Variants in SLC28A3 observed in about 807,000 individuals in gnomAD.
The protein encoded by SLC28A3 is solute carrier family 28 member 3.
SLC28A3 carries 68 observed loss-of-function variants against 84.2 expected under a neutral mutation model. The observed-to-expected ratio is 0.81, with a 90% CI of 0.66 to 0.99. The LOEUF is 0.99. Ranked by LOEUF, SLC28A3 falls within the 50% of genes least tolerant of loss-of-function variation. The pLI, the probability that SLC28A3 is intolerant of heterozygous loss-of-function variation, is 0.00. For synonymous variants in SLC28A3, 267 were observed against 303.6 expected, an observed-to-expected ratio of 0.88 and a Z score of 1.25; for missense variants, 712 against 841.5, an observed-to-expected ratio of 0.85 and a Z score of 1.90.
intron 1 of SLC28A3, among the ~76,000 whole-genome samples, chr9:84,320,054 T>TTTTTTTTTTTG (rs1826319749): frequency 1.6e-5 from 2 of 128,524 alleles, no homozygotes; most frequent in African/African-American, 7.0e-5. Context: ...TTTTTTTTTT[T>TTTTTTTTTTTG]TTTTTTTTTT....
chr9:84,354,542 T>C, the SLC28A3 span, among the ~76,000 whole-genome samples: 1 of 152,228 alleles, frequency 6.6e-6, no homozygotes, highest in African/African-American at 2.4e-5. Flanking sequence ...GAGTCTATAA[T>C]GATACTTAAA....
chr9:84,346,040 A>G, the SLC28A3 span, among the ~76,000 whole-genome samples: 1 of 152,252 alleles, frequency 6.6e-6, no homozygotes, highest in East Asian at 1.9e-4. Flanking sequence ...TGTGAGAAAT[A>G]GCTTGTGCCA....
the SLC28A3 span, among the ~76,000 whole-genome samples, chr9:84,355,725 A>T: frequency 0.1 from 15,306 of 152,032 alleles, 827 homozygotes; most frequent in East Asian, 0.18. Flanking sequence ...TACTTGTGCA[A>T]TTGTTGGAAT....
chr9:84,303,479 C>T lies in SLC28A3; in HGVS notation c.335-1090G>A, dbSNP rs544686196. Among the ~76,000 whole-genome samples, 3 of 152,240 alleles carry T rather than the reference C, an allele frequency of 2.0e-5. No individual in the cohort carries two copies. In the South Asian group the frequency reaches 6.2e-4, roughly 32 times the overall value. On this transcript the variant is annotated intron_variant, in intron 4 of 17. Transcript: ENST00000376238. ...GGGATTACAGGCATGTGCCACCACGCCCGGTTAATTTTGTATTTTTAGTAG... is the reference window on the plus strand; with the variant it reads ...GGGATTACAGGCATGTGCCACCACGTCCGGTTAATTTTGTATTTTTAGTAG...
intron 3 of SLC28A3, among the ~76,000 whole-genome samples, chr9:84,306,326 T>C (rs1331331511): frequency 6.6e-6 from 1 of 152,212 alleles, no homozygotes; most frequent in East Asian, 1.9e-4. Context: ...GCACTCCCCT[T>C]GGCCAGTGCC....
At chr9:84,353,014 G>A in the SLC28A3 span, among the ~76,000 whole-genome samples, 1 of 151,836 alleles carries the variant, frequency 6.6e-6, no homozygotes, top group East Asian at 1.9e-4. Context: ...AGTATTTAGG[G>A]GTTTCTTCTT....
intron 16 of SLC28A3, 35 bp from the exon 17 acceptor site, chr9:84,279,420 T>C: frequency 7.2e-7 from 1 of 1,394,486 alleles, no homozygotes; most frequent in East Asian, 2.7e-5. Context: ...TATTTATTAT[T>C]TTTTAGTTTT....
the SLC28A3 span, among the ~76,000 whole-genome samples, chr9:84,350,680 T>C: frequency 6.6e-6 from 1 of 152,074 alleles, no homozygotes; most frequent in African/African-American, 2.4e-5. Context: ...TATTTAAAAA[T>C]TTTCTTTATT....
chr9:84,343,642 T>C (rs925780347), upstream of SLC28A3, among the ~76,000 whole-genome samples: 2 of 152,186 alleles, frequency 1.3e-5, no homozygotes, highest in Non-Finnish European at 2.9e-5. Context: ...AGGAAGAATA[T>C]TTCCTGACAC....
At chr9:84,344,183 G>C (rs1827213411), upstream of SLC28A3, among the ~76,000 whole-genome samples, 2 of 134,438 alleles carry the variant, frequency 1.5e-5, no homozygotes, top group African/African-American at 3.4e-5. Flanking sequence ...CTCATCATAT[G>C]GGTTTTTTTT....
At chr9:84,313,689 A>C (rs1359868227) in intron 1 of SLC28A3, among the ~76,000 whole-genome samples, 4 of 151,780 alleles carry the variant, frequency 2.6e-5, no homozygotes, top group African/African-American at 9.7e-5. Flanking sequence ...CCGAAGTGGG[A>C]GGGGAGACCA....
chr9:84,299,090 A>G (rs1272286436), intron 6 of SLC28A3, among the ~76,000 whole-genome samples: 1 of 152,234 alleles, frequency 6.6e-6, no homozygotes, highest in Non-Finnish European at 1.5e-5. Context: ...TTGATGTCTC[A>G]GAATTCTTGC....
intron 17 of SLC28A3, 32 bp downstream of exon 17, chr9:84,279,233 G>T: frequency 1.3e-6 from 2 of 1,560,114 alleles, no homozygotes; most frequent in Non-Finnish European, 1.7e-6. Flanking sequence ...TATTAATGGA[G>T]TATAAAGAAA....
chr9:84,306,266 A>G (rs1311773962), intron 3 of SLC28A3, among the ~76,000 whole-genome samples: 1 of 152,120 alleles, frequency 6.6e-6, no homozygotes, highest in African/African-American at 2.4e-5. Context: ...CGTATAGATG[A>G]TTCCCAAACT....
chr9:84,325,328 C>T (rs1826514877), intron 1 of SLC28A3, among the ~76,000 whole-genome samples: 1 of 152,118 alleles, frequency 6.6e-6, no homozygotes, highest in South Asian at 2.1e-4. Context: ...ATCTTTTGTG[C>T]CCTACCTAGT....
At position 84,313,271 on chromosome 9, in the gene SLC28A3, GC is replaced by G. The variant is rs371899802; in HGVS notation, c.156+87del. The G allele has an allele frequency of 3.2e-5, 35 of 1,106,916 alleles. 2 individuals carry two copies. Among genetic ancestry groups the G allele is most frequent in the African/African-American group, 2.5e-4 (16 of 64,048 alleles). 68.6% of individuals were successfully genotyped at this position (1,106,916 alleles called of 1,614,324 possible). A position where few individuals can be genotyped will look rare whatever the true frequency, so the allele number is the denominator to read the frequency against. ...CTGTTCCTCTGCGTGCCAGTGGGGCGCCATGCTTTCTGTGCCCACTGTTCTC... is the reference window on the plus strand; with the variant it reads ...CTGTTCCTCTGCGTGCCAGTGGGGCGCATGCTTTCTGTGCCCACTGTTCTC... On this transcript the variant is annotated intron_variant, in intron 2 of 17. Coordinates refer to ENST00000376238, the MANE Select transcript of SLC28A3 (RefSeq NM_001199633.2).
intron 1 of SLC28A3, among the ~76,000 whole-genome samples, chr9:84,319,287 C>G (rs1826281543): frequency 6.6e-6 from 1 of 152,138 alleles, no homozygotes; most frequent in Non-Finnish European, 1.5e-5. Flanking sequence ...GACCAAAAGG[C>G]CTGAGTTAAA....
At chr9:84,301,179 C>T (rs760778383) in intron 5 of SLC28A3, among the ~76,000 whole-genome samples, 9 of 151,430 alleles carry the variant, frequency 5.9e-5, no homozygotes, top group Non-Finnish European at 1.3e-4. Context: ...GTGAAACACC[C>T]GTCTCTACTA....
chr9:84,359,416 T>C, the SLC28A3 span, among the ~76,000 whole-genome samples: 45 of 152,270 alleles, frequency 3.0e-4, no homozygotes, highest in Non-Finnish European at 5.3e-4. Context: ...GAATAGCTTA[T>C]AGAGAAATTG....
Sources: gnomAD v4.1 joint callset for allele counts (sites outside exome capture counted in the v4.1 genomes callset) on GRCh38, gnomAD v4.1.1 for gene constraint, MANE v1.5 for transcripts, NCBI Gene and HGNC (gene_info 2026-07-23, HGNC 2026-07-21) for gene names.